Variants in CRACD observed in about 807,000 individuals in gnomAD.
CRACD encodes the protein capping protein inhibiting regulator of actin dynamics, also known as capping protein-inhibiting regulator of actin dynamics.
CRACD carries 56 observed loss-of-function variants against 106.8 expected under a neutral mutation model. The observed-to-expected ratio is 0.52, with a 90% confidence interval of 0.42 to 0.66. CRACD has a LOEUF of 0.66. Among genes scored for constraint, CRACD ranks in the 30% least tolerant of loss-of-function variants. The probability of loss-of-function intolerance (pLI) is 0.00; values close to 1 mark genes in which losing one functional copy is unlikely to be tolerated. For synonymous variants in CRACD, 754 were observed against 670.8 expected (o/e 1.12, Z -1.92); for missense variants, 1,730 against 1,623.2 (o/e 1.07, Z -1.13).
chr4:56,201,218 A>C (rs2109473909), intron 2 of CRACD, among the ~76,000 whole-genome samples: 1 of 152,336 alleles, frequency 6.6e-6, no homozygotes, highest in African/African-American at 2.4e-5. Flanking sequence ...GTACACATGA[A>C]AATATTAAAG....
In CRACD at chr4:56,103,051, G is replaced by A. The variant is rs150538303; in HGVS notation, c.-336+53752G>A. The stretch of plus-strand genomic sequence containing the variant: ...CTTGAGTCTGAGAAAGTCGGAAACC[G>A]AGTCTGTTTTTGCTTACCATCCTAT... On this transcript the variant is annotated intron_variant, in intron 1 of 10. Transcript: ENST00000682029. 7.2e-3 allele frequency among the ~76,000 whole-genome samples: 1,102 copies of A among 152,280 alleles called. 8 individuals are homozygous for A. Among genetic ancestry groups the A allele is most frequent in the Non-Finnish European group, 0.012 (814 of 68,022 alleles).
At chr4:56,288,215 C>T (rs1743483476) in intron 3 of CRACD, among the ~76,000 whole-genome samples, 1 of 152,038 alleles carries the variant, frequency 6.6e-6, no homozygotes, top group South Asian at 2.1e-4. Context: ...TCTTACCTTC[C>T]TCCTCCTGCT....
chr4:56,100,695 G>A (rs1733749808), intron 1 of CRACD, among the ~76,000 whole-genome samples: 1 of 152,038 alleles, frequency 6.6e-6, no homozygotes, highest in Admixed American at 6.5e-5. Context: ...AAATTTGGAT[G>A]TAGCATACAC....
At chr4:56,201,632 G>T (rs1737884422) in intron 2 of CRACD, among the ~76,000 whole-genome samples, 1 of 152,178 alleles carries the variant, frequency 6.6e-6, no homozygotes, top group African/African-American at 2.4e-5. Flanking sequence ...TACTTGAAAA[G>T]ATGCTTGGGG....
chr4:56,187,777 G>A (rs768814171), intron 2 of CRACD, among the ~76,000 whole-genome samples: 1 of 151,562 alleles, frequency 6.6e-6, no homozygotes, highest in Non-Finnish European at 1.5e-5. Flanking sequence ...TGCCTCCCAC[G>A]GATAAGGCAC....
chr4:56,187,360 C>T (rs541315469), intron 2 of CRACD, among the ~76,000 whole-genome samples: 5 of 152,002 alleles, frequency 3.3e-5, no homozygotes, highest in Non-Finnish European at 5.9e-5. Context: ...GCCAGACACT[C>T]GAGGGGGGCA....
chr4:56,104,344 T>C (rs759965793), intron 1 of CRACD, among the ~76,000 whole-genome samples: 1 of 152,126 alleles, frequency 6.6e-6, no homozygotes, highest in Non-Finnish European at 1.5e-5. Flanking sequence ...CAGTGAGCCA[T>C]GATTGCACCA....
chr4:56,143,718 C>T (rs917809892), intron 1 of CRACD, among the ~76,000 whole-genome samples: 3 of 152,024 alleles, frequency 2.0e-5, no homozygotes, highest in Non-Finnish European at 4.4e-5. Context: ...TTTTTGCCTA[C>T]AGTTTTATTG....
chr4:56,076,054 T>A (rs1194958386), intron 1 of CRACD, among the ~76,000 whole-genome samples: 1 of 152,192 alleles, frequency 6.6e-6, no homozygotes, highest in Non-Finnish European at 1.5e-5. Flanking sequence ...TAACCCCAAG[T>A]ACCTCAGAAT....
intron 1 of CRACD, among the ~76,000 whole-genome samples, chr4:56,084,436 A>T (rs1733144954): frequency 6.6e-6 from 1 of 152,218 alleles, no homozygotes; most frequent in Non-Finnish European, 1.5e-5. Flanking sequence ...CTGTGAAAAA[A>T]AACTAAACTA....
At chr4:56,276,673 A>G (rs191499729) in intron 3 of CRACD, among the ~76,000 whole-genome samples, 5 of 152,304 alleles carry the variant, frequency 3.3e-5, no homozygotes, top group Non-Finnish European at 1.5e-5. Flanking sequence ...GTGCATTCTT[A>G]AACATCCACT....
At chr4:56,295,982 G>A (rs1032037055) in intron 3 of CRACD, among the ~76,000 whole-genome samples, 1 of 151,920 alleles carries the variant, frequency 6.6e-6, no homozygotes, top group Non-Finnish European at 1.5e-5. Context: ...TTTCATAAAG[G>A]GAATTGCTGC....
At chr4:56,211,786 T>A (rs1305362469) in intron 2 of CRACD, among the ~76,000 whole-genome samples, 1 of 152,026 alleles carries the variant, frequency 6.6e-6, no homozygotes, top group Non-Finnish European at 1.5e-5. Flanking sequence ...TAGGGAAGGA[T>A]AGGTATGTGT....
chr4:56,243,155 TA>T (rs1407814589), intron 2 of CRACD, among the ~76,000 whole-genome samples: 1 of 152,220 alleles, frequency 6.6e-6, no homozygotes, highest in Non-Finnish European at 1.5e-5. Flanking sequence ...GTCCACCAGC[TA>T]AATTCTTAAC....
At chr4:56,181,991 A>G (rs899888334) in intron 2 of CRACD, among the ~76,000 whole-genome samples, 3 of 152,200 alleles carry the variant, frequency 2.0e-5, no homozygotes, top group African/African-American at 7.2e-5. Flanking sequence ...GCTACCTTAA[A>G]TAATAAGTAA....
chr4:56,263,055 C>T (rs1741802105), intron 2 of CRACD, among the ~76,000 whole-genome samples: 1 of 152,122 alleles, frequency 6.6e-6, no homozygotes, highest in Non-Finnish European at 1.5e-5. Context: ...CTGGGAGACC[C>T]AGGGAACTTG....
chr4:56,213,930 C>T (rs1738533038), intron 2 of CRACD, among the ~76,000 whole-genome samples: 1 of 152,178 alleles, frequency 6.6e-6, no homozygotes, highest in African/African-American at 2.4e-5. Context: ...TTTAGGAGAA[C>T]ATCCAGTAAA....
chr4:56,214,677 C>CTATATATATATA (rs748365524), intron 2 of CRACD, among the ~76,000 whole-genome samples: 21 of 68,880 alleles, frequency 3.0e-4, no homozygotes, highest in African/African-American at 1.0e-3. Context: ...CTCTCTCTCT[C>CTATATATATATA]TCTCTATATA....
intron 1 of CRACD, among the ~76,000 whole-genome samples, chr4:56,170,997 A>C (rs1454710772): frequency 6.6e-6 from 1 of 152,228 alleles, no homozygotes; most frequent in Non-Finnish European, 1.5e-5. Flanking sequence ...CAAGTCATGC[A>C]TGAGTAGGTG....
Sources: allele counts gnomAD v4.1 joint callset (sites outside exome capture counted in the v4.1 genomes callset), GRCh38; gene constraint gnomAD v4.1.1; transcripts MANE v1.5; gene names NCBI Gene and HGNC (gene_info 2026-07-23, HGNC 2026-07-21).